The following EYA1 variants were observed in gnomAD, a reference collection of about 807,000 sequenced individuals.
EYA1 encodes EYA transcriptional coactivator and phosphatase 1, also known as protein phosphatase EYA1.
A neutral mutation model predicts 82.0 loss-of-function variants in EYA1; 16 were observed. The ratio of observed to expected loss-of-function variants is 0.20; its 90% CI spans 0.13 to 0.30. The LOEUF is 0.30. Ranked by LOEUF, EYA1 falls within the 10% of genes least tolerant of loss-of-function variation. The probability of loss-of-function intolerance (pLI) is 1.00; values close to 1 mark genes in which losing one functional copy is unlikely to be tolerated. For missense variants in EYA1, 633 were observed against 730.7 expected, an observed-to-expected ratio of 0.87 and a Z score of 1.54; for synonymous variants, 261 against 264.4, an observed-to-expected ratio of 0.99 and a Z score of 0.12.
chr8:71,533,213 C>T (rs922712520), intron 2 of EYA1, among the ~76,000 whole-genome samples: 4 of 152,172 alleles, frequency 2.6e-5, no homozygotes, highest in South Asian at 4.1e-4. Context: ...GTAGGTTACA[C>T]GGCTACATCC....
At chr8:71,418,130 C>T (rs577352188) in intron 2 of EYA1, among the ~76,000 whole-genome samples, 1 of 152,316 alleles carries the variant, frequency 6.6e-6, no homozygotes, top group Admixed American at 6.5e-5. Context: ...CCTGAGTCAC[C>T]ATCCTAAGGA....
chr8:71,226,384 C>T (rs971709054), intron 12 of EYA1, among the ~76,000 whole-genome samples: 1 of 151,934 alleles, frequency 6.6e-6, no homozygotes, highest in Non-Finnish European at 1.5e-5. Flanking sequence ...GTCAGTTTCA[C>T]TGTGCGTGGA....
intron 2 of EYA1, among the ~76,000 whole-genome samples, chr8:71,390,180 T>C (rs1254869326): frequency 6.6e-6 from 1 of 152,162 alleles, no homozygotes; most frequent in Non-Finnish European, 1.5e-5. Flanking sequence ...TCTTTTAATA[T>C]ACTACTGGGT....
At chr8:71,282,485 G>C (rs546126102) in intron 9 of EYA1, among the ~76,000 whole-genome samples, 50 of 152,280 alleles carry the variant, frequency 3.3e-4, no homozygotes, top group African/African-American at 1.1e-3. Flanking sequence ...CATCCACTCT[G>C]TCAAATCAAA....
intron 2 of EYA1, among the ~76,000 whole-genome samples, chr8:71,381,621 T>C (rs1210251393): frequency 6.6e-6 from 1 of 152,232 alleles, no homozygotes; most frequent in Non-Finnish European, 1.5e-5. Context: ...TGTATTACAC[T>C]CATCCTTACA....
At chr8:71,519,885 A>G (rs997406832) in intron 2 of EYA1, among the ~76,000 whole-genome samples, 1 of 152,204 alleles carries the variant, frequency 6.6e-6, no homozygotes, top group Non-Finnish European at 1.5e-5. Context: ...TCTGACTGCA[A>G]ATTAGTTCTA....
intron 9 of EYA1, among the ~76,000 whole-genome samples, chr8:71,298,420 T>C (rs1365599569): frequency 6.6e-6 from 1 of 152,156 alleles, no homozygotes; most frequent in East Asian, 1.9e-4. Flanking sequence ...GCAGACACCA[T>C]TAAGAGTTCT....
intron 2 of EYA1, among the ~76,000 whole-genome samples, chr8:71,410,869 G>C (rs1470358791): frequency 5.2e-5 from 4 of 77,228 alleles, no homozygotes; most frequent in Non-Finnish European, 9.8e-5. Context: ...CACAGAATTG[G>C]AAAAAACTAC....
chr8:71,475,551 C>A (rs1412660958), intron 2 of EYA1, among the ~76,000 whole-genome samples: 2 of 151,882 alleles, frequency 1.3e-5, no homozygotes, highest in East Asian at 1.9e-4. Context: ...GTGAACATAC[C>A]TTTATTATAT....
intron 9 of EYA1, among the ~76,000 whole-genome samples, chr8:71,277,850 A>G (rs193289371): frequency 3.3e-5 from 5 of 152,356 alleles, no homozygotes; most frequent in African/African-American, 1.2e-4. Context: ...CAGCAAAAAT[A>G]TTTATAAATG....
Position 71,544,492 on chromosome 8 carries a change from C to A in EYA1, c.-73+3372G>T, listed in dbSNP as rs543717916. Reference sequence around the variant, plus strand: ...ACCGGAAAGTTTAGTCTTTAGGAGGCTTTTCCTTATACTAAGCTGAAATAG... The same window carrying A: ...ACCGGAAAGTTTAGTCTTTAGGAGGATTTTCCTTATACTAAGCTGAAATAG... On this transcript the variant is annotated intron_variant, in intron 1 of 18. Coordinates refer to the EYA1 transcript ENST00000643681. Among the ~76,000 whole-genome samples, 65 of 152,252 alleles carry A rather than the reference C, an allele frequency of 4.3e-4. No individual in the cohort carries two copies. The South Asian group carries it at 0.013, about 32-fold the overall frequency.
At chr8:71,364,606 G>T (rs902663820), upstream of EYA1, among the ~76,000 whole-genome samples, 1 of 151,944 alleles carries the variant, frequency 6.6e-6, no homozygotes, top group Non-Finnish European at 1.5e-5. Flanking sequence ...GGTGATAGAA[G>T]AAATCATTGC....
Position 71,248,716 on chromosome 8 carries a change from C to A in EYA1, c.1051-4024G>T, listed in dbSNP as rs1813397232. 3.3e-5 allele frequency among the ~76,000 whole-genome samples: 5 copies of A among 152,282 alleles called. No individual in the cohort carries two copies. In the South Asian group the frequency reaches 1.0e-3, roughly 32 times the overall value. On this transcript the variant is annotated intron_variant, in intron 11 of 17. Transcript: ENST00000340726. ...CTTACATATTCTAGCAACTGGAGTTCTCATATCAAGGTTAGATTTTATTTT... is the reference window on the plus strand; with the variant it reads ...CTTACATATTCTAGCAACTGGAGTTATCATATCAAGGTTAGATTTTATTTT...
At chr8:71,434,580 A>G (rs529191122) in intron 2 of EYA1, among the ~76,000 whole-genome samples, 1 of 152,282 alleles carries the variant, frequency 6.6e-6, no homozygotes, top group East Asian at 1.9e-4. Context: ...TCTCCCAAGG[A>G]AACAAGGTCC....
chr8:71,241,927 G>C (rs1812521864), intron 12 of EYA1, among the ~76,000 whole-genome samples: 1 of 152,100 alleles, frequency 6.6e-6, no homozygotes, highest in African/African-American at 2.4e-5. Context: ...AGATTGGCCT[G>C]GGAGCAGTGA....
At chr8:71,385,767 T>C (rs1828938696) in intron 2 of EYA1, among the ~76,000 whole-genome samples, 1 of 152,218 alleles carries the variant, frequency 6.6e-6, no homozygotes, top group African/African-American at 2.4e-5. Flanking sequence ...TAAGTAAATA[T>C]AGTTGTACTG....
intron 2 of EYA1, among the ~76,000 whole-genome samples, chr8:71,456,149 C>A (rs1218801665): frequency 6.6e-6 from 1 of 152,140 alleles, no homozygotes. Flanking sequence ...AGTGAACTCC[C>A]ATTCACAATT....
intron 3 of EYA1, among the ~76,000 whole-genome samples, chr8:71,343,143 A>G (rs1477383019): frequency 6.6e-6 from 1 of 152,132 alleles, no homozygotes; most frequent in Non-Finnish European, 1.5e-5. Context: ...AGGTAAAATT[A>G]GTCATGGAGT....
At chr8:71,505,675 C>T (rs1812143070) in intron 2 of EYA1, among the ~76,000 whole-genome samples, 2 of 152,174 alleles carry the variant, frequency 1.3e-5, no homozygotes, top group East Asian at 1.9e-4. Context: ...CTTGGAGAAC[C>T]TGGCCTGCTC....
Sources: allele counts gnomAD v4.1 joint callset (sites outside exome capture counted in the v4.1 genomes callset), GRCh38; gene constraint gnomAD v4.1.1; transcripts MANE v1.5; gene names NCBI Gene and HGNC (gene_info 2026-07-23, HGNC 2026-07-21).